DCLK3: variants seen among roughly 807,000 people sequenced by gnomAD.
DCLK3 encodes the protein serine/threonine-protein kinase DCLK3.
In DCLK3, 30 loss-of-function variants were observed where a neutral mutation model predicts 46.4. The ratio of observed to expected loss-of-function variants is 0.65; its 90% CI spans 0.48 to 0.88. The LOEUF is 0.88. DCLK3 is among the 40% of genes least tolerant of loss of function. DCLK3 has a pLI of 0.00. For missense variants in DCLK3, 846 were observed against 907.1 expected, an observed-to-expected ratio of 0.93 and a Z score of 0.87; for synonymous variants, 401 against 339.2, an observed-to-expected ratio of 1.18 and a Z score of -2.00.
At chr3:36,725,628 G>C (rs912879079) in intron 2 of DCLK3, among the ~76,000 whole-genome samples, 3 of 152,164 alleles carry the variant, frequency 2.0e-5, no homozygotes, top group African/African-American at 7.2e-5. Flanking sequence ...AAATAAAAGA[G>C]GGGAGAATGG....
rs986660905 is a variant in DCLK3, at chr3:36,738,963, C to T, written c.204G>A (p.Pro68=). Residue 68 remains proline, a synonymous_variant, in exon 2 of 5, where the codon CCG becomes CCA. Transcript: ENST00000636136. ...AGAACAAGGGCACGACGGGGCCACG[C>T]GGCCCCAGGAATGGTTTCTCCAGAT... ...RGNLEKPFLG[P]RGPVVPLFCP... 3 of 400,074 alleles carry T rather than the reference C, an allele frequency of 7.5e-6. No individual in the cohort carries two copies. Among genetic ancestry groups the T allele is most frequent in the East Asian group, 3.6e-5 (1 of 28,092 alleles). 24.8% of individuals were successfully genotyped at this position (400,074 alleles called of 1,614,324 possible).
At chr3:36,727,017 T>C (rs1221723447) in intron 2 of DCLK3, among the ~76,000 whole-genome samples, 5 of 152,076 alleles carry the variant, frequency 3.3e-5, no homozygotes, top group Non-Finnish European at 7.4e-5. Context: ...CCAGGCACAG[T>C]GGCTCATGTA....
intron 3 of DCLK3, among the ~76,000 whole-genome samples, chr3:36,719,205 T>A (rs560660001): frequency 6.6e-6 from 1 of 152,198 alleles, no homozygotes; most frequent in African/African-American, 2.4e-5. Context: ...CAATATACAG[T>A]AAAGGTTTTT....
At chr3:36,749,600 T>C (rs567151787) in intron 1 of DCLK3, among the ~76,000 whole-genome samples, 2 of 152,192 alleles carry the variant, frequency 1.3e-5, no homozygotes, top group Non-Finnish European at 2.9e-5. Context: ...ATCTAAACCA[T>C]CTGTCAGTGC....
In DCLK3 at chr3:36,714,151, G is replaced by A. The variant is rs1700945383; in HGVS notation, c.*1177C>T. The A allele has an allele frequency of 6.6e-6, 1 of 152,204 alleles. No homozygotes were observed. The highest frequency in any genetic ancestry group is 2.1e-4 in the South Asian group (1 of 4,838). The allele number at this position is 152,204 out of a possible 1,614,324, so 9.4% of individuals were successfully genotyped here. ...TCTAAATTATACCAGAGCCTCCTTT[G>A]TGCTTCTTCCATTTTCCAAAACCTG... On this transcript the variant is annotated 3_prime_UTR_variant, in exon 5 of 5. Coordinates refer to ENST00000636136, the MANE Select transcript of DCLK3 (RefSeq NM_001394672.2).
At chr3:36,727,274 A>C (rs1701135258) in intron 2 of DCLK3, among the ~76,000 whole-genome samples, 1 of 152,154 alleles carries the variant, frequency 6.6e-6, no homozygotes, top group African/African-American at 2.4e-5. Context: ...GGGTGAAAGG[A>C]TGAAGCTCCA....
chr3:36,735,884 A>G (rs1486359097), intron 2 of DCLK3, among the ~76,000 whole-genome samples: 1 of 152,244 alleles, frequency 6.6e-6, no homozygotes, highest in Admixed American at 6.5e-5. Flanking sequence ...GAACTGTTCT[A>G]GGTTTGGGAG....
chr3:36,730,256 G>A (rs1701184105), intron 2 of DCLK3, among the ~76,000 whole-genome samples: 1 of 147,938 alleles, frequency 6.8e-6, no homozygotes. Flanking sequence ...TAATACAAAA[G>A]TATGACTGAA....
At chr3:36,756,777 C>T (rs1338074924) in intron 1 of DCLK3, among the ~76,000 whole-genome samples, 1 of 151,896 alleles carries the variant, frequency 6.6e-6, no homozygotes, top group Non-Finnish European at 1.5e-5. Flanking sequence ...GGGGAAATGC[C>T]CTGCTAGTCT....
chr3:36,717,261 G>T (rs1443734611), intron 4 of DCLK3, among the ~76,000 whole-genome samples: 1 of 152,104 alleles, frequency 6.6e-6, no homozygotes, highest in African/African-American at 2.4e-5. Context: ...GACCACCCCT[G>T]GCTAATTTGT....
rs1700958008 is a variant in DCLK3, at chr3:36,715,096, T to G, written c.*232A>C. 2 of 513,252 alleles carry G rather than the reference T, an allele frequency of 3.9e-6. No homozygotes were observed. Among genetic ancestry groups the G allele is most frequent in the South Asian group, 5.4e-5 (2 of 37,100 alleles). 31.8% of individuals were successfully genotyped at this position (513,252 alleles called of 1,614,324 possible). ...TACCAAAATTCCTCACTGATGACAA[T>G]GCTTACCCCCCAAAAATGTATTAAA... On this transcript the variant is annotated 3_prime_UTR_variant, in exon 5 of 5. Coordinates refer to ENST00000636136, the MANE Select transcript of DCLK3 (RefSeq NM_001394672.2).
intron 1 of DCLK3, among the ~76,000 whole-genome samples, chr3:36,743,569 A>G (rs1701367881): frequency 6.6e-6 from 1 of 152,186 alleles, no homozygotes. Context: ...TTTCTTATTA[A>G]CACCTTATTT....
chr3:36,740,122 C>CTTTT (rs1179146362), intron 1 of DCLK3, among the ~76,000 whole-genome samples: 43 of 99,622 alleles, frequency 4.3e-4, no homozygotes, highest in African/African-American at 6.5e-4. Flanking sequence ...ATTTGCATTT[C>CTTTT]TTTTTTTTTT....
chr3:36,725,641 G>A (rs137903291), intron 2 of DCLK3, among the ~76,000 whole-genome samples: 1 of 152,186 alleles, frequency 6.6e-6, no homozygotes, highest in Non-Finnish European at 1.5e-5. Context: ...GAGAATGGGA[G>A]TGACAGTTTC....
At chr3:36,745,545 AC>A (rs1701386736) in intron 1 of DCLK3, among the ~76,000 whole-genome samples, 1 of 152,136 alleles carries the variant, frequency 6.6e-6, no homozygotes. Flanking sequence ...CACATTATTA[AC>A]CCCCTCCTCC....
At chr3:36,723,071 A>G (rs907053847) in intron 2 of DCLK3, among the ~76,000 whole-genome samples, 1 of 152,178 alleles carries the variant, frequency 6.6e-6, no homozygotes, top group African/African-American at 2.4e-5. Flanking sequence ...TGATATGGAC[A>G]ATAAAGTCCA....
At chr3:36,753,956 A>C (rs143772063) in intron 1 of DCLK3, among the ~76,000 whole-genome samples, 116 of 152,312 alleles carry the variant, frequency 7.6e-4, no homozygotes, top group African/African-American at 2.7e-3. Flanking sequence ...CTGGGATTAT[A>C]GGTGTGAGTC....
At chr3:36,757,413 G>A (rs540335278) in intron 1 of DCLK3, among the ~76,000 whole-genome samples, 1 of 152,158 alleles carries the variant, frequency 6.6e-6, no homozygotes, top group Non-Finnish European at 1.5e-5. Context: ...ACATTATATG[G>A]CATGACAGCT....
intron 2 of DCLK3, among the ~76,000 whole-genome samples, chr3:36,728,369 G>A (rs1701150487): frequency 6.6e-6 from 1 of 152,106 alleles, no homozygotes; most frequent in Non-Finnish European, 1.5e-5. Context: ...GTGGGGGGTG[G>A]GGGGACGGTG....
Sources: allele counts gnomAD v4.1 joint callset (sites outside exome capture counted in the v4.1 genomes callset), GRCh38; gene constraint gnomAD v4.1.1; transcripts MANE v1.5; gene names NCBI Gene and HGNC (gene_info 2026-07-23, HGNC 2026-07-21).